The following LANCL3 variants were observed in gnomAD, a reference collection of about 807,000 sequenced individuals.
LANCL3 encodes the protein lanC-like protein 3.
Under a neutral mutation model 26.5 loss-of-function variants are expected in LANCL3, and 19 were observed. The ratio of observed to expected loss-of-function variants is 0.72; its 90% CI spans 0.50 to 1.05. The LOEUF is 1.05. Among genes scored for constraint, LANCL3 ranks in the 50% least tolerant of loss-of-function variants. LANCL3 has a pLI of 0.00. For synonymous variants in LANCL3, 160 were observed against 166.6 expected (o/e 0.96, Z 0.30); for missense variants, 318 against 362.7 (o/e 0.88, Z 1.00).
chrX:37,571,891 C>T lies in LANCL3; in HGVS notation c.21C>T (p.Phe7=). ...ACAGCATGGACACCAAGCGCTGCTTCGCCAATCGCTTCGATGACTACCAGG... is the reference window on the plus strand; with the variant it reads ...ACAGCATGGACACCAAGCGCTGCTTTGCCAATCGCTTCGATGACTACCAGG... The part of the protein sequence containing the change: MDTKRC[F]ANRFDDYQGS... The change falls in exon 1 of 5, where the codon TTC becomes TTT. Residue 7 remains phenylalanine, a synonymous_variant. Transcript: ENST00000378619. The T allele has an allele frequency of 8.3e-7, 1 of 1,205,698 alleles. No individual in the cohort carries two copies. Among genetic ancestry groups the T allele is most frequent in the Non-Finnish European group, 1.1e-6 (1 of 893,382 alleles).
At chrX:37,580,795 C>T (rs1452025809) in intron 1 of LANCL3, among the ~76,000 whole-genome samples, 2 of 110,090 alleles carry the variant, frequency 1.8e-5, no homozygotes, top group Non-Finnish European at 3.8e-5. Context: ...ACATATATGT[C>T]ACATAATACT....
chrX:37,621,366 G>A (rs1556422248), intron 1 of LANCL3, among the ~76,000 whole-genome samples: 1 of 112,101 alleles, frequency 8.9e-6, no homozygotes, highest in East Asian at 2.8e-4. Context: ...GGTTGATTCT[G>A]AAGGACATCA....
intron 1 of LANCL3, among the ~76,000 whole-genome samples, chrX:37,600,280 A>G (rs1460187477): frequency 2.7e-5 from 3 of 112,226 alleles, no homozygotes; most frequent in Non-Finnish European, 3.8e-5. Flanking sequence ...TGACAAATTT[A>G]TAAATTAAAC....
At chrX:37,590,945 C>T (rs1296984504) in intron 1 of LANCL3, among the ~76,000 whole-genome samples, 3 of 111,814 alleles carry the variant, frequency 2.7e-5, no homozygotes, top group East Asian at 2.8e-4. Context: ...ATTTCGAGAA[C>T]GAATTTCTTA....
chrX:37,639,237 CTACA>C (rs1160248432), intron 1 of LANCL3, among the ~76,000 whole-genome samples: 2 of 97,033 alleles, frequency 2.1e-5, no homozygotes, highest in Non-Finnish European at 4.2e-5. Flanking sequence ...ATGTGTGTAC[CTACA>C]TACATATACA....
At chrX:37,610,238 C>G (rs1302805979) in intron 1 of LANCL3, among the ~76,000 whole-genome samples, 1 of 111,627 alleles carries the variant, frequency 9.0e-6, no homozygotes, top group Non-Finnish European at 1.9e-5. Flanking sequence ...TTTCCATGAA[C>G]TGATTGGGCT....
chrX:37,602,753 G>A (rs1161585108), intron 1 of LANCL3, among the ~76,000 whole-genome samples: 7 of 110,788 alleles, frequency 6.3e-5, no homozygotes, highest in Non-Finnish European at 7.6e-5. Context: ...TGAAATTGAG[G>A]AAAAATGCAA....
chrX:37,579,022 A>G (rs1213980778), intron 1 of LANCL3, among the ~76,000 whole-genome samples: 1 of 108,234 alleles, frequency 9.2e-6, no homozygotes, highest in Non-Finnish European at 1.9e-5. Context: ...AAAAGTTAAC[A>G]TGTTTTTTCT....
chrX:37,604,214 C>G lies in LANCL3; in HGVS notation c.573+31771C>G, dbSNP rs147662576. Among the ~76,000 whole-genome samples, 384 of 112,425 alleles carry G rather than the reference C, an allele frequency of 3.4e-3. 2 individuals carry two copies. The highest frequency in any genetic ancestry group is 9.2e-3 in the Middle Eastern group (2 of 217). ...TGTGACAACTGTTGTACTCTCAAGC[C>G]AAAATGTCAGAGCTGTTCTGAAGCT... On this transcript the variant is annotated intron_variant, in intron 1 of 4. Coordinates refer to ENST00000378619, the MANE Select transcript of LANCL3 (RefSeq NM_001170331.2).
intron 1 of LANCL3, among the ~76,000 whole-genome samples, chrX:37,630,845 C>T (rs1216912219): frequency 5.4e-5 from 6 of 110,371 alleles, no homozygotes; most frequent in Admixed American, 9.6e-5. Context: ...CTGCTGGATT[C>T]GGTTTGCCAG....
intron 1 of LANCL3, among the ~76,000 whole-genome samples, chrX:37,583,458 G>A (rs1349058694): frequency 1.2e-4 from 13 of 111,875 alleles, no homozygotes; most frequent in South Asian, 3.7e-4. Context: ...AGCATGGAAT[G>A]TTCTTCCATT....
Position 37,576,897 on chromosome X carries a change from G to A in LANCL3, c.573+4454G>A, listed in dbSNP as rs782570458. The stretch of plus-strand genomic sequence containing the variant: ...CAGAGGGCAAGAGCCCCTAAGGTAG[G>A]AAATGACTTGGACATTTCAAAGAAA... On this transcript the variant is annotated intron_variant, in intron 1 of 4. Transcript: ENST00000378619. Among the ~76,000 whole-genome samples, 3 of 112,093 alleles carry A rather than the reference G, an allele frequency of 2.7e-5. No individual in the cohort carries two copies. The Admixed American group carries it at 2.8e-4, about 11-fold the overall frequency.
At chrX:37,652,067 G>C (rs782352326) in intron 1 of LANCL3, among the ~76,000 whole-genome samples, 1 of 109,727 alleles carries the variant, frequency 9.1e-6, no homozygotes, top group South Asian at 4.0e-4. Flanking sequence ...ATTGTTGAGA[G>C]GAGGAATTTG....
At chrX:37,601,662 T>G (rs1924579571) in intron 1 of LANCL3, among the ~76,000 whole-genome samples, 1 of 112,059 alleles carries the variant, frequency 8.9e-6, no homozygotes, top group South Asian at 3.7e-4. Context: ...GTCTCTGGAC[T>G]TCATTGCCTT....
chrX:37,658,006 G>A (rs1926328093), intron 2 of LANCL3, among the ~76,000 whole-genome samples: 3 of 112,076 alleles, frequency 2.7e-5, no homozygotes, highest in Admixed American at 9.5e-5. Context: ...TACTAACTGG[G>A]AATGAGTGAA....
In LANCL3 at chrX:37,679,329, A is replaced by T. The variant is rs1379064728; in HGVS notation, c.*3516A>T. ...TGAGGTCTGGGTCACTAGATGGATA[A>T]AAACCAAGTGTACATTTTTTTATAT... On this transcript the variant is annotated 3_prime_UTR_variant, in exon 5 of 5. Coordinates refer to ENST00000378619, the MANE Select transcript of LANCL3 (RefSeq NM_001170331.2). The T allele has an allele frequency of 8.9e-6, 1 of 111,884 alleles. No homozygotes were observed. The highest frequency in any genetic ancestry group is 1.9e-5 in the Non-Finnish European group (1 of 53,122). The allele number at this position is 111,884 out of a possible 1,213,427, so 9.2% of individuals were successfully genotyped here. A position where few individuals can be genotyped will look rare whatever the true frequency, so the allele number is the denominator to read the frequency against.
At chrX:37,665,549 C>A (rs73631194) in intron 3 of LANCL3, among the ~76,000 whole-genome samples, 7,490 of 111,720 alleles carry the variant, frequency 0.067, 623 homozygotes, top group African/African-American at 0.23. Flanking sequence ...GTTCCAGCAG[C>A]ATCATGAAAT....
intron 1 of LANCL3, 72 bp downstream of exon 1, chrX:37,572,515 C>T (rs1189323270): frequency 3.3e-6 from 3 of 918,183 alleles, no homozygotes; most frequent in Middle Eastern, 2.6e-4. Context: ...CTCCGTGGCT[C>T]GGGCAGCACT....
At chrX:37,622,638 T>C (rs1925199172) in intron 1 of LANCL3, among the ~76,000 whole-genome samples, 1 of 111,932 alleles carries the variant, frequency 8.9e-6, no homozygotes, top group Admixed American at 9.5e-5. Flanking sequence ...ACTGAGCTTC[T>C]CTATTCAACC....
Sources: allele counts gnomAD v4.1 joint callset (sites outside exome capture counted in the v4.1 genomes callset), GRCh38; gene constraint gnomAD v4.1.1; transcripts MANE v1.5; gene names NCBI Gene and HGNC (gene_info 2026-07-23, HGNC 2026-07-21).